The following CLCN4 variants were observed in gnomAD, a reference collection of about 807,000 sequenced individuals.
CLCN4 encodes H(+)/Cl(-) exchange transporter 4.
In CLCN4, 1 loss-of-function variant was observed where a neutral mutation model predicts 41.7. That is an observed-to-expected ratio of 0.02 (90% CI 0.01 to 0.11). The LOEUF (loss-of-function observed/expected upper bound fraction) is 0.11, where lower values mean the gene tolerates loss of function less well. Among genes scored for constraint, CLCN4 ranks in the 10% least tolerant of loss-of-function variants. CLCN4 has a pLI of 1.00. For synonymous variants in CLCN4, 277 were observed against 285.8 expected, an observed-to-expected ratio of 0.97 and a Z score of 0.31; for missense variants, 287 against 661.0, an observed-to-expected ratio of 0.43 and a Z score of 6.20.
chrX:10,183,486 A>C (rs1923735760), intron 2 of CLCN4, among the ~76,000 whole-genome samples: 1 of 112,565 alleles, frequency 8.9e-6, no homozygotes, highest in South Asian at 3.6e-4. Flanking sequence ...ATTTTTAACC[A>C]TCTATGCCAG....
chrX:10,218,935 C>G (rs1274814339), intron 11 of CLCN4, among the ~76,000 whole-genome samples: 1 of 112,249 alleles, frequency 8.9e-6, no homozygotes, highest in Non-Finnish European at 1.9e-5. Flanking sequence ...GCAGGCAGAA[C>G]CAGATACACT....
intron 6 of CLCN4, among the ~76,000 whole-genome samples, chrX:10,202,131 G>A (rs906772319): frequency 3.6e-5 from 4 of 111,455 alleles, no homozygotes; most frequent in African/African-American, 1.3e-4. Context: ...GAGCCCAGGA[G>A]TTCAAGACCA....
In CLCN4 at chrX:10,234,700, A is replaced by G. The variant is rs1925208740; in HGVS notation, c.*1116A>G. Reference sequence around the variant, plus strand: ...TTATCTTCTCTGTAGGATGCAAAACATCCAGTTGTAATGTATAAGCATGCA... The same window carrying G: ...TTATCTTCTCTGTAGGATGCAAAACGTCCAGTTGTAATGTATAAGCATGCA... On this transcript the variant is annotated 3_prime_UTR_variant, in exon 13 of 13. Transcript: ENST00000380833. 2 of 112,691 alleles carry G rather than the reference A, an allele frequency of 1.8e-5. No homozygotes were observed. Among genetic ancestry groups the G allele is most frequent in the African/African-American group, 6.4e-5 (2 of 31,039 alleles). The allele number at this position is 112,691 out of a possible 1,213,427, so 9.3% of individuals were successfully genotyped here.
At chrX:10,184,935 A>G (rs746887106) in intron 2 of CLCN4, 87 bp from the exon 3 acceptor site, 14 of 740,244 alleles carry the variant, frequency 1.9e-5, no homozygotes, top group Non-Finnish European at 2.8e-5. Flanking sequence ...TTTTTCTTAT[A>G]TAAGAAAATA....
chrX:10,221,789 C>T (rs780619476), intron 12 of CLCN4, among the ~76,000 whole-genome samples: 2 of 112,227 alleles, frequency 1.8e-5, no homozygotes, highest in Non-Finnish European at 3.8e-5. Context: ...GTGCCACTTC[C>T]GAATTACCGG....
At position 10,233,763 on chromosome X, in the gene CLCN4, T is replaced by A; in HGVS notation, c.*179T>A. ...AAACAAAAACAAAAACATCAATGAG[T>A]AGGCATTTTATAGCTTTAACCCCGT... On this transcript the variant is annotated 3_prime_UTR_variant, in exon 13 of 13. Coordinates refer to ENST00000380833, the MANE Select transcript of CLCN4 (RefSeq NM_001830.4). The A allele has an allele frequency of 2.3e-6, 1 of 426,317 alleles. No individual in the cohort carries two copies. The highest frequency in any genetic ancestry group is 4.2e-6 in the Non-Finnish European group (1 of 239,775). The allele number at this position is 426,317 out of a possible 1,213,427, so 35.1% of individuals were successfully genotyped here. A position where few individuals can be genotyped will look rare whatever the true frequency, so the allele number is the denominator to read the frequency against.
At chrX:10,164,755 G>T (rs188375802) in intron 2 of CLCN4, among the ~76,000 whole-genome samples, 69 of 112,201 alleles carry the variant, frequency 6.1e-4, no homozygotes, top group Middle Eastern at 4.6e-3. Flanking sequence ...CATGCATCCG[G>T]CTCAGTCGCA....
At chrX:10,166,909 CGTG>C (rs1258064364) in intron 2 of CLCN4, among the ~76,000 whole-genome samples, 1 of 111,407 alleles carries the variant, frequency 9.0e-6, no homozygotes, top group East Asian at 2.8e-4. Flanking sequence ...ATTTCCAACA[CGTG>C]GGCTGGGTTT....
At chrX:10,207,925 C>T in intron 8 of CLCN4, 120 bp from the exon 9 acceptor site, 1 of 592,600 alleles carries the variant, frequency 1.7e-6, no homozygotes, top group Non-Finnish European at 2.7e-6. Flanking sequence ...TAAGTCCAGG[C>T]TCATGGAATG....
At chrX:10,174,327 G>A (rs777129455) in intron 2 of CLCN4, among the ~76,000 whole-genome samples, 1 of 112,429 alleles carries the variant, frequency 8.9e-6, no homozygotes, top group East Asian at 2.8e-4. Context: ...CACATCTGGG[G>A]CCAGGGGCCA....
At chrX:10,199,953 G>T (rs1315760978) in intron 6 of CLCN4, among the ~76,000 whole-genome samples, 1 of 111,157 alleles carries the variant, frequency 9.0e-6, no homozygotes, top group African/African-American at 3.3e-5. Context: ...TTTTTAAGTA[G>T]AGACGGGGTT....
At chrX:10,209,291 CCCTT>C (rs1344445848) in intron 9 of CLCN4, among the ~76,000 whole-genome samples, 3 of 88,493 alleles carry the variant, frequency 3.4e-5, no homozygotes, top group African/African-American at 8.7e-5. Context: ...CTCCCTCCCT[CCCTT>C]CCTTCCCTTC....
intron 8 of CLCN4, among the ~76,000 whole-genome samples, chrX:10,206,979 G>A (rs1261766168): frequency 2.7e-5 from 3 of 110,128 alleles, no homozygotes; most frequent in African/African-American, 1.0e-4. Context: ...CAGTGCAATG[G>A]CGCAATCTTG....
At chrX:10,165,609 C>G (rs998664950) in intron 2 of CLCN4, among the ~76,000 whole-genome samples, 2 of 112,199 alleles carry the variant, frequency 1.8e-5, no homozygotes, top group African/African-American at 6.5e-5. Flanking sequence ...GAGCCTTGCC[C>G]GCAGTTTCGC....
At chrX:10,212,237 G>A (rs1393540988) in intron 9 of CLCN4, among the ~76,000 whole-genome samples, 1 of 111,926 alleles carries the variant, frequency 8.9e-6, no homozygotes, top group Non-Finnish European at 1.9e-5. Flanking sequence ...GAAGGAGAGG[G>A]AATCAAAGTA....
At position 10,197,933 on chromosome X, in the gene CLCN4, G is replaced by T. The variant is rs756234170; in HGVS notation, c.433-6G>T. The T allele has an allele frequency of 1.7e-6, 2 of 1,210,553 alleles. No individual in the cohort carries two copies. Among genetic ancestry groups the T allele is most frequent in the East Asian group, 5.9e-5 (2 of 33,798 alleles). ...TTTCCTTTTGTGTTTTGTGTCTGTT[G>T]TCTAGGGTGCCAGTGCTTACATTCT... On this transcript the variant is annotated splice_region_variant and splice_polypyrimidine_tract_variant and intron_variant, in intron 5 of 12. Transcript: ENST00000380833.
At chrX:10,199,936 G>T (rs1025158173) in intron 6 of CLCN4, among the ~76,000 whole-genome samples, 4 of 109,466 alleles carry the variant, frequency 3.7e-5, no homozygotes, top group Admixed American at 9.6e-5. Flanking sequence ...TTTTTTTTTT[G>T]GTTTTATTTT....
At chrX:10,201,091 G>A (rs12857142) in intron 6 of CLCN4, among the ~76,000 whole-genome samples, 14,095 of 111,524 alleles carry the variant, frequency 0.13, 722 homozygotes, top group South Asian at 0.27. Flanking sequence ...CAAGGAGAAA[G>A]TATGATTGAT....
At chrX:10,232,504 C>CT (rs760148667) in intron 12 of CLCN4, among the ~76,000 whole-genome samples, 1 of 112,066 alleles carries the variant, frequency 8.9e-6, no homozygotes, top group South Asian at 3.7e-4. Context: ...CTGCATACCC[C>CT]TTTTTTGGGG....
Sources: allele counts gnomAD v4.1 joint callset (sites outside exome capture counted in the v4.1 genomes callset), GRCh38; gene constraint gnomAD v4.1.1; transcripts MANE v1.5; gene names NCBI Gene and HGNC (gene_info 2026-07-23, HGNC 2026-07-21).